Variants in ABHD12 observed in about 807,000 individuals in gnomAD.
The protein encoded by ABHD12 is lysophosphatidylserine lipase ABHD12.
ABHD12 carries 43 observed loss-of-function variants against 58.3 expected under a neutral mutation model. The observed-to-expected ratio is 0.74, with a 90% CI of 0.58 to 0.95. ABHD12 has a LOEUF of 0.95. Ranked by LOEUF, ABHD12 falls within the 40% of genes least tolerant of loss-of-function variation. The pLI, the probability that ABHD12 is intolerant of heterozygous loss-of-function variation, is 0.00. For missense variants in ABHD12, 539 were observed against 537.2 expected (o/e 1.00, Z -0.03); for synonymous variants, 219 against 211.2 (o/e 1.04, Z -0.32).
At chr20:25,389,496 C>T (rs1054006098) in intron 1 of ABHD12, among the ~76,000 whole-genome samples, 2 of 152,214 alleles carry the variant, frequency 1.3e-5, no homozygotes, top group African/African-American at 4.8e-5. Context: ...CTGAGATCAT[C>T]ATATAGTAAC....
chr20:25,379,769 C>CA (rs2090001030), intron 1 of ABHD12, among the ~76,000 whole-genome samples: 1 of 152,054 alleles, frequency 6.6e-6, no homozygotes, highest in African/African-American at 2.4e-5. Flanking sequence ...CACTCTGTTG[C>CA]CCAGACCAGA....
intron 1 of ABHD12, among the ~76,000 whole-genome samples, chr20:25,368,102 A>G (rs1389468297): frequency 1.3e-5 from 2 of 152,240 alleles, no homozygotes; most frequent in Non-Finnish European, 2.9e-5. Flanking sequence ...CATAAACTTA[A>G]CACTGCAATC....
intron 1 of ABHD12, among the ~76,000 whole-genome samples, chr20:25,354,882 A>C (rs865832635): frequency 3.7e-4 from 56 of 152,216 alleles, no homozygotes; most frequent in Middle Eastern, 6.8e-3. Flanking sequence ...TACCCCAATC[A>C]CATCTATCCC....
chr20:25,342,454 AT>A (rs11477444), intron 1 of ABHD12, among the ~76,000 whole-genome samples: 80,706 of 142,324 alleles, frequency 0.57, 22,981 homozygotes, highest in African/African-American at 0.64. Flanking sequence ...CAGATACCAC[AT>A]TTTTTTTTTT....
At chr20:25,338,305 G>A (rs1334589830) in intron 2 of ABHD12, among the ~76,000 whole-genome samples, 1 of 152,024 alleles carries the variant, frequency 6.6e-6, no homozygotes, top group Admixed American at 6.6e-5. Context: ...AACGCATAAG[G>A]CCAGACTCAC....
In ABHD12 at chr20:25,302,217, A is replaced by G. The variant is rs761738607; in HGVS notation, c.1157+2T>C. 1 of 1,612,984 alleles carries G rather than the reference A, an allele frequency of 6.2e-7. No individual in the cohort carries two copies. Among genetic ancestry groups the G allele is most frequent in the Admixed American group, 1.7e-5 (1 of 60,016 alleles). ...CCCCTGGGTGGGAAGAGAATGTCTC[A>G]CCTCAGTATCCGTGGCAGCTCAGGG... On this transcript the variant is annotated splice_donor_variant, in intron 12 of 12. Coordinates refer to ENST00000339157, the MANE Select transcript of ABHD12 (RefSeq NM_001042472.3). LOFTEE classifies it high-confidence loss of function.
intron 2 of ABHD12, among the ~76,000 whole-genome samples, chr20:25,336,235 G>A (rs2089365995): frequency 6.6e-6 from 1 of 151,816 alleles, no homozygotes. Context: ...AGGTCAGTAG[G>A]AAATAAACTA....
rs754380901 is a variant in ABHD12, at chr20:25,303,368, A to C, written c.1029+182T>G. The C allele has an allele frequency of 1.0e-4, 152 of 1,501,024 alleles. 1 individual carries two copies. The African/African-American group carries it at 1.9e-3, about 19-fold the overall frequency. The allele number at this position is 1,501,024 out of a possible 1,614,324, so 93.0% of individuals were successfully genotyped here. ...ACACCAGACCTCCCATGTCCTTCCG[A>C]AGCAGCCTGGAGGTGACGCAGGGAG... On this transcript the variant is annotated intron_variant, in intron 11 of 12. Transcript: ENST00000339157.
In ABHD12 at chr20:25,313,093, G is replaced by A. The variant is rs1296207556; in HGVS notation, c.619+1832C>T. 1.4e-3 allele frequency among the ~76,000 whole-genome samples: 219 copies of A among 152,394 alleles called. 1 individual carries two copies. Among genetic ancestry groups the A allele is most frequent in the African/African-American group, 5.0e-3 (210 of 41,588 alleles). On this transcript the variant is annotated intron_variant, in intron 6 of 12. Coordinates refer to ENST00000339157, the MANE Select transcript of ABHD12 (RefSeq NM_001042472.3). ...CCCCGTCTGGGAGGTGTACCCAACA[G>A]CTCATTGAGAACGGGCCATGATGAC...
intron 1 of ABHD12, among the ~76,000 whole-genome samples, chr20:25,346,064 T>C (rs12625748): frequency 0.13 from 19,571 of 152,186 alleles, 2,042 homozygotes; most frequent in East Asian, 0.57. Flanking sequence ...CAAGGTAAGA[T>C]GTCCTTTGAT....
intron 6 of ABHD12, among the ~76,000 whole-genome samples, chr20:25,310,645 G>A (rs1245983244): frequency 6.6e-6 from 1 of 152,156 alleles, no homozygotes; most frequent in Non-Finnish European, 1.5e-5. Context: ...GAGACAGAAA[G>A]AAAAGAACAG....
At chr20:25,300,076 G>A (rs1302998677), downstream of ABHD12, 1 of 565,922 alleles carries the variant, frequency 1.8e-6, no homozygotes, top group Non-Finnish European at 2.2e-6. Flanking sequence ...AAATTTCTGA[G>A]CTGCTGGGAC....
chr20:25,307,647 G>A (rs920076060), intron 9 of ABHD12, among the ~76,000 whole-genome samples: 1 of 152,340 alleles, frequency 6.6e-6, no homozygotes, highest in African/African-American at 2.4e-5. Context: ...CAGAGAGGGG[G>A]GCACCCCCAG....
intron 1 of ABHD12, among the ~76,000 whole-genome samples, chr20:25,373,744 C>A (rs1280194822): frequency 6.6e-6 from 1 of 151,784 alleles, no homozygotes; most frequent in Non-Finnish European, 1.5e-5. Context: ...TATACTGCTT[C>A]ATGTTTCTTA....
At position 25,390,786 on chromosome 20, in the gene ABHD12, G is replaced by T. The variant is rs975497969; in HGVS notation, c.-83C>A. 6.4e-6 allele frequency: 6 copies of T among 943,268 alleles called. No homozygotes were observed. The highest frequency in any genetic ancestry group is 7.9e-5 in the East Asian group (2 of 25,174). 58.4% of individuals were successfully genotyped at this position (943,268 alleles called of 1,614,324 possible). A position where few individuals can be genotyped will look rare whatever the true frequency, so the allele number is the denominator to read the frequency against. On this transcript the variant is annotated 5_prime_UTR_variant, in exon 1 of 13. Transcript: ENST00000339157. ...CCGCTCACAGCCGCCGCCACCCAGA[G>T]CCCGGAGCCCGGAACCCGCCGCTCC...
At chr20:25,310,829 G>C (rs1042715931) in intron 6 of ABHD12, among the ~76,000 whole-genome samples, 7 of 152,192 alleles carry the variant, frequency 4.6e-5, no homozygotes, top group African/African-American at 7.2e-5. Context: ...GGGACAGTCG[G>C]AGATGGAGCT....
chr20:25,306,748 T>C, intron 10 of ABHD12, 85 bp downstream of exon 10: 2 of 944,090 alleles, frequency 2.1e-6, no homozygotes, highest in Non-Finnish European at 3.3e-6. Context: ...CCATCCTATT[T>C]GATTACTGTG....
chr20:25,353,897 ATCACTAACGTGC>A (rs964042683), intron 1 of ABHD12, among the ~76,000 whole-genome samples: 25 of 152,132 alleles, frequency 1.6e-4, no homozygotes, highest in South Asian at 6.2e-4. Flanking sequence ...CTGCTGCGTG[ATCACTAACGTGC>A]CACCACCTGC....
chr20:25,336,361 T>C (rs1207847387), intron 2 of ABHD12, among the ~76,000 whole-genome samples: 3 of 152,212 alleles, frequency 2.0e-5, no homozygotes, highest in African/African-American at 4.8e-5. Flanking sequence ...GTTTTGCTTA[T>C]GAAAATGTAT....
Sources: gnomAD v4.1 joint callset for allele counts (sites outside exome capture counted in the v4.1 genomes callset) on GRCh38, gnomAD v4.1.1 for gene constraint, MANE v1.5 for transcripts, NCBI Gene and HGNC (gene_info 2026-07-23, HGNC 2026-07-21) for gene names.